The following XPO4 variants were observed in gnomAD, a reference collection of about 807,000 sequenced individuals.
XPO4 encodes exportin-4.
XPO4 carries 39 observed loss-of-function variants against 143.0 expected under a neutral mutation model. The ratio of observed to expected loss-of-function variants is 0.27; its 90% confidence interval spans 0.21 to 0.36. The LOEUF (loss-of-function observed/expected upper bound fraction) is 0.36. Ranked by LOEUF, XPO4 falls within the 10% of genes least tolerant of loss-of-function variation. The pLI is 1.00. For missense variants in XPO4, 907 were observed against 1,348.0 expected, an observed-to-expected ratio of 0.67 and a Z score of 5.12; for synonymous variants, 439 against 474.0, an observed-to-expected ratio of 0.93 and a Z score of 0.96.
At chr13:20,802,307 C>T (rs2059445296) in intron 13 of XPO4, among the ~76,000 whole-genome samples, 2 of 152,170 alleles carry the variant, frequency 1.3e-5, no homozygotes, top group South Asian at 4.2e-4. Flanking sequence ...ATCCTCCCAC[C>T]TTGGCCTCCC....
intron 3 of XPO4, among the ~76,000 whole-genome samples, chr13:20,861,297 C>CTTTTTTT (rs68037393): frequency 1.5e-5 from 2 of 134,970 alleles, no homozygotes; most frequent in Non-Finnish European, 3.1e-5. Flanking sequence ...TAGTTTTCCT[C>CTTTTTTT]TTTTTTTTTT....
At chr13:20,805,426 C>T (rs2059490814) in intron 13 of XPO4, among the ~76,000 whole-genome samples, 1 of 152,238 alleles carries the variant, frequency 6.6e-6, no homozygotes, top group African/African-American at 2.4e-5. Flanking sequence ...AATTCCACCT[C>T]ATTCTGCTCA....
At chr13:20,853,671 TAAGTA>T (rs1185652786) in intron 4 of XPO4, among the ~76,000 whole-genome samples, 1 of 152,166 alleles carries the variant, frequency 6.6e-6, no homozygotes, top group African/African-American at 2.4e-5. Context: ...ATACTAAGAT[TAAGTA>T]AAGGGGCCAT....
intron 1 of XPO4, among the ~76,000 whole-genome samples, chr13:20,891,520 C>T (rs1274911858): frequency 1.3e-5 from 2 of 152,116 alleles, no homozygotes; most frequent in Non-Finnish European, 2.9e-5. Flanking sequence ...TTTATCTTTG[C>T]ACTAACTCCC....
chr13:20,873,836 A>G (rs1360196000), intron 1 of XPO4, among the ~76,000 whole-genome samples: 1 of 152,184 alleles, frequency 6.6e-6, no homozygotes, highest in African/African-American at 2.4e-5. Context: ...TTCCCTGGGC[A>G]GCAATAATTG....
At chr13:20,798,361 G>C (rs973354982) in intron 16 of XPO4, among the ~76,000 whole-genome samples, 2 of 152,156 alleles carry the variant, frequency 1.3e-5, no homozygotes, top group Non-Finnish European at 2.9e-5. Context: ...AGAGGCTACA[G>C]ATTTTCCCTC....
intron 4 of XPO4, chr13:20,852,175 C>T (rs922073587): frequency 1.0e-6 from 1 of 985,290 alleles, no homozygotes; most frequent in Non-Finnish European, 1.2e-6. Flanking sequence ...AGGCATTAGT[C>T]ATAAATAGAT....
intron 9 of XPO4, among the ~76,000 whole-genome samples, chr13:20,813,914 C>A: frequency 6.6e-6 from 1 of 150,610 alleles, no homozygotes; most frequent in South Asian, 2.1e-4. Context: ...GCCAATATTA[C>A]GCCACTGCAC....
intron 6 of XPO4, among the ~76,000 whole-genome samples, chr13:20,840,546 T>C (rs1230445716): frequency 6.6e-6 from 1 of 152,178 alleles, no homozygotes; most frequent in East Asian, 1.9e-4. Flanking sequence ...TCAACACTTT[T>C]AAACTAAGTT....
At chr13:20,853,060 G>A in intron 4 of XPO4, 1 of 985,056 alleles carries the variant, frequency 1.0e-6, no homozygotes, top group Non-Finnish European at 1.2e-6. Context: ...GGCCAGCCGT[G>A]GTGGCTCACA....
In XPO4 at chr13:20,843,427, T is replaced by G. The variant is rs541778236; in HGVS notation, c.573+343A>C. Among the ~76,000 whole-genome samples, 3 of 152,316 alleles carry G rather than the reference T, an allele frequency of 2.0e-5. No homozygotes were observed. In the East Asian group the frequency reaches 5.8e-4, roughly 29 times the overall value. On this transcript the variant is annotated intron_variant, in intron 5 of 22. Coordinates refer to ENST00000255305, the MANE Select transcript of XPO4 (RefSeq NM_022459.5). ...AGCCCGCACCATCTGCAATAACATT[T>G]GAAATACACGGCCTTCTGGCATTCT...
At chr13:20,800,669 A>G (rs1200265746) in intron 14 of XPO4, among the ~76,000 whole-genome samples, 162 bp downstream of exon 14, 1 of 152,240 alleles carries the variant, frequency 6.6e-6, no homozygotes, top group Non-Finnish European at 1.5e-5. Context: ...TCAAAAACAC[A>G]TTAAAACAGC....
intron 6 of XPO4, among the ~76,000 whole-genome samples, chr13:20,827,955 C>T (rs868668375): frequency 2.0e-4 from 31 of 152,172 alleles, no homozygotes; most frequent in African/African-American, 5.8e-4. Flanking sequence ...TGAGAAAACT[C>T]GGCCAGTCAC....
intron 1 of XPO4, among the ~76,000 whole-genome samples, chr13:20,882,273 G>A (rs1041487681): frequency 6.6e-6 from 1 of 151,996 alleles, no homozygotes; most frequent in Non-Finnish European, 1.5e-5. Context: ...AAAGAAAAGA[G>A]GCTTATTTGG....
chr13:20,800,942 T>A lies in XPO4; in HGVS notation c.1866A>T (p.Ile622=). 6 of 1,614,028 alleles carry A rather than the reference T, an allele frequency of 3.7e-6. No homozygotes were observed. The highest frequency in any genetic ancestry group is 5.1e-6 in the Non-Finnish European group (6 of 1,179,968). Residue 622 remains isoleucine (I), a synonymous_variant, in exon 14 of 23, where the codon ATA becomes ATT. Transcript: ENST00000255305. Reference sequence around the variant, plus strand: ...TTAGTAGATGAGTGAGATCTGCTCTTATTGCTCGAGATTCAACTTCTGAAA... The same window carrying A: ...TTAGTAGATGAGTGAGATCTGCTCTAATTGCTCGAGATTCAACTTCTGAAA... ...LRVSEVESRA[I]RADLTHLLSP... is the part of the protein sequence containing the mutation.
intron 16 of XPO4, among the ~76,000 whole-genome samples, chr13:20,798,354 G>A (rs1385979908): frequency 6.6e-6 from 1 of 152,134 alleles, no homozygotes; most frequent in Non-Finnish European, 1.5e-5. Context: ...AGCTACCAGA[G>A]GCTACAGATT....
intron 1 of XPO4, among the ~76,000 whole-genome samples, chr13:20,871,457 C>A (rs2060297749): frequency 6.6e-6 from 1 of 152,154 alleles, no homozygotes; most frequent in African/African-American, 2.4e-5. Context: ...GTAACTGGGA[C>A]TACAGGGGCA....
intron 1 of XPO4, among the ~76,000 whole-genome samples, chr13:20,891,307 A>G (rs1209349143): frequency 6.6e-6 from 1 of 152,054 alleles, no homozygotes; most frequent in South Asian, 2.1e-4. Context: ...ATCAGCACAG[A>G]AAGTTCTATC....
chr13:20,835,200 G>A (rs2059901891), intron 6 of XPO4, among the ~76,000 whole-genome samples: 1 of 151,926 alleles, frequency 6.6e-6, no homozygotes, highest in Non-Finnish European at 1.5e-5. Flanking sequence ...ACAATGCCAG[G>A]TACAAATAGA....
Sources: gnomAD v4.1 joint callset for allele counts (sites outside exome capture counted in the v4.1 genomes callset) on GRCh38, gnomAD v4.1.1 for gene constraint, MANE v1.5 for transcripts, NCBI Gene and HGNC (gene_info 2026-07-23, HGNC 2026-07-21) for gene names.